MYCBP2: variants seen among roughly 807,000 people sequenced by gnomAD.
MYCBP2 encodes MYC binding protein 2.
In MYCBP2, 120 loss-of-function variants were observed where a neutral mutation model predicts 525.3. That is an observed-to-expected ratio of 0.23 (90% CI 0.20 to 0.27). MYCBP2 has a LOEUF of 0.27. Among genes scored for constraint, MYCBP2 ranks in the 10% least tolerant of loss-of-function variants. MYCBP2 has a pLI of 1.00. For synonymous variants in MYCBP2, 1,894 were observed against 1,955.8 expected (o/e 0.97, Z 0.83); for missense variants, 4,149 against 5,657.1 (o/e 0.73, Z 8.55).
At chr13:77,055,868 C>G (rs975863961) in intron 79 of MYCBP2, 101 bp from the exon 80 acceptor site, 4 of 728,260 alleles carry the variant, frequency 5.5e-6, no homozygotes, top group African/African-American at 5.3e-5. Context: ...TAGAAGATAA[C>G]CAGACAGCAC....
chr13:77,072,765 T>A (rs536592333), intron 68 of MYCBP2, among the ~76,000 whole-genome samples: 12 of 152,266 alleles, frequency 7.9e-5, no homozygotes, highest in Non-Finnish European at 1.5e-4. Flanking sequence ...TCCAGAAACT[T>A]AGATGAAATG....
chr13:77,067,767 T>G lies in MYCBP2; in HGVS notation c.12269A>C (p.Asp4090Ala). 6.2e-7 allele frequency: 1 copy of G among 1,614,122 alleles called. No individual in the cohort carries two copies. The highest frequency in any genetic ancestry group is 8.5e-7 in the Non-Finnish European group (1 of 1,180,002). ...VKSLPPADIS[D>A]IIHSTEKGDW... ...TCCTTTCTCTGTTGAGTGAATGATA[T>G]CACTGATATCTGCTGGGGGGAGGGA... is the stretch of plus-strand genomic sequence containing the variant. Residue 4090 changes from aspartate (D) to alanine (A), a missense_variant, in exon 71 of 83, where the codon GAT becomes GCT. Physicochemically the swap from Asp to Ala is moderately radical, Grantham distance 126. Transcript: ENST00000544440.
intron 21 of MYCBP2, among the ~76,000 whole-genome samples, chr13:77,215,629 G>A (rs1336426564): frequency 6.6e-6 from 1 of 152,142 alleles, no homozygotes; most frequent in East Asian, 1.9e-4. Context: ...CTGCTGTCCA[G>A]GCCAGAGGGC....
At position 77,088,987 on chromosome 13, in the gene MYCBP2, G is replaced by A. The variant is rs2044859020; in HGVS notation, c.10570C>T (p.Arg3524Trp). 6.2e-7 allele frequency: 1 copy of A among 1,613,210 alleles called. No individual in the cohort carries two copies. Among genetic ancestry groups the A allele is most frequent in the African/African-American group, 1.3e-5 (1 of 74,984 alleles). The change falls in exon 61 of 83, where the codon CGG becomes TGG. Residue 3524 changes from arginine (R) to tryptophan (W), a missense_variant. Transcript: ENST00000544440. ...LLRHPSPELSRLISAHSSLSK... is the reference protein window; with the variant it reads ...LLRHPSPELSWLISAHSSLSK... The stretch of plus-strand genomic sequence containing the variant: ...AGAGAGCTGTGGGCTGAGATTAGCC[G>A]AGAAAGCTCAGGAGACGGATGTCTC...
At chr13:77,294,104 C>CTATATATATATACATATATATATA (rs2077779847) in intron 2 of MYCBP2, among the ~76,000 whole-genome samples, 1 of 41,910 alleles carries the variant, frequency 2.4e-5, no homozygotes, top group Non-Finnish European at 5.2e-5. Flanking sequence ...GATATAATGG[C>CTATATATATATACATATATATATA]TATATATATA....
intron 32 of MYCBP2, among the ~76,000 whole-genome samples, chr13:77,183,541 CTTTT>C (rs60927409): frequency 4.5e-5 from 3 of 66,074 alleles, no homozygotes; most frequent in African/African-American, 2.1e-4. Context: ...GTCCCTATTT[CTTTT>C]TTTTTTTTTT....
intron 1 of MYCBP2, among the ~76,000 whole-genome samples, chr13:77,309,445 A>G (rs550485247): frequency 1.5e-4 from 23 of 152,348 alleles, no homozygotes; most frequent in Admixed American, 1.2e-3. Flanking sequence ...GGTTTTACCT[A>G]AAAACCACAG....
chr13:77,146,582 A>G (rs115083196), intron 47 of MYCBP2, among the ~76,000 whole-genome samples: 1,701 of 152,310 alleles, frequency 0.011, 6 homozygotes, highest in African/African-American at 0.016. Context: ...CATAACATAT[A>G]GAGAATAAAT....
intron 1 of MYCBP2, among the ~76,000 whole-genome samples, chr13:77,323,403 C>G (rs968515822): frequency 6.6e-6 from 1 of 152,206 alleles, no homozygotes; most frequent in African/African-American, 2.4e-5. Context: ...TTCTTGAACA[C>G]AAGCCTGTTC....
chr13:77,181,314 T>A (rs150986738), intron 33 of MYCBP2, among the ~76,000 whole-genome samples: 15 of 152,294 alleles, frequency 9.8e-5, no homozygotes, highest in African/African-American at 3.6e-4. Context: ...GTAGATATTT[T>A]AAAAATCCTT....
At chr13:77,064,879 T>G in intron 72 of MYCBP2, 145 bp from the exon 73 acceptor site, 1 of 635,732 alleles carries the variant, frequency 1.6e-6, no homozygotes, top group Non-Finnish European at 2.3e-6. Context: ...CACAAACTTT[T>G]GAACTAAAAT....
chr13:77,225,239 G>A (rs905893066), intron 19 of MYCBP2, among the ~76,000 whole-genome samples, 196 bp downstream of exon 19: 1 of 152,156 alleles, frequency 6.6e-6, no homozygotes, highest in Non-Finnish European at 1.5e-5. Flanking sequence ...TAGATCTCTA[G>A]ACAAGTACCT....
At chr13:77,140,743 C>A in intron 50 of MYCBP2, 103 bp downstream of exon 50, 1 of 825,762 alleles carries the variant, frequency 1.2e-6, no homozygotes, top group Non-Finnish European at 2.0e-6. Flanking sequence ...GAATTCAAGT[C>A]CTGAAATCAA....
chr13:77,173,808 A>G (rs2059365021), intron 37 of MYCBP2, among the ~76,000 whole-genome samples: 1 of 152,240 alleles, frequency 6.6e-6, no homozygotes, highest in African/African-American at 2.4e-5. Context: ...TCCAAGGTTT[A>G]CATAAGGAAT....
At position 77,260,482 on chromosome 13, in the gene MYCBP2, T is replaced by C; in HGVS notation, c.1963A>G (p.Lys655Glu). The stretch of plus-strand genomic sequence containing the variant: ...CCAAACATGTAGAGTTCTCCATCTT[T>C]AGAAATAACAGAACTACTTCCATTA... ...CNNGSSSVISKDGELYMFGKD... is the reference protein window; with the variant it reads ...CNNGSSSVISEDGELYMFGKD... The change falls in exon 13 of 83, where the codon AAA (lysine) becomes GAA (glutamate). Residue 655 changes from lysine (K) to glutamate (E), a missense_variant. By Grantham distance (56) the Lys-to-Glu change is moderately conservative. Transcript: ENST00000544440. 2.5e-6 allele frequency: 4 copies of C among 1,610,390 alleles called. No homozygotes were observed. The highest frequency in any genetic ancestry group is 3.4e-6 in the Non-Finnish European group (4 of 1,178,612).
intron 14 of MYCBP2, 152 bp from the exon 15 acceptor site, chr13:77,251,507 A>G (rs1274242740): frequency 1.5e-5 from 10 of 660,834 alleles, no homozygotes; most frequent in Non-Finnish European, 2.3e-5. Context: ...AATAAATTTT[A>G]ATTTAGGGAC....
intron 68 of MYCBP2, among the ~76,000 whole-genome samples, chr13:77,072,326 A>AC (rs2041506252): frequency 6.7e-6 from 1 of 149,812 alleles, no homozygotes; most frequent in Non-Finnish European, 1.5e-5. Context: ...AAGAAATCAA[A>AC]TGGGAATAAG....
chr13:77,300,375 C>T (rs1028465707), intron 1 of MYCBP2, among the ~76,000 whole-genome samples: 1 of 152,214 alleles, frequency 6.6e-6, no homozygotes, highest in Non-Finnish European at 1.5e-5. Flanking sequence ...CAGCCATCGG[C>T]AGCACATAAA....
Position 77,173,332 on chromosome 13 carries a change from G to A in MYCBP2, c.5651+979C>T, listed in dbSNP as rs1048165079. Among the ~76,000 whole-genome samples, 12 of 152,140 alleles carry A rather than the reference G, an allele frequency of 7.9e-5. No individual in the cohort carries two copies. The South Asian group carries it at 8.3e-4, about 11-fold the overall frequency. On this transcript the variant is annotated intron_variant, in intron 37 of 82. Coordinates refer to ENST00000544440, the MANE Select transcript of MYCBP2 (RefSeq NM_015057.5). The stretch of plus-strand genomic sequence containing the variant: ...GCTTTCTGAAACACGTAACTCTTAC[G>A]CATAACAGAGTTTTTAATCCATAGT...
Sources: gnomAD v4.1 joint callset for allele counts (sites outside exome capture counted in the v4.1 genomes callset) on GRCh38, gnomAD v4.1.1 for gene constraint, MANE v1.5 for transcripts, NCBI Gene and HGNC (gene_info 2026-07-23, HGNC 2026-07-21) for gene names.